WIPF1: variants seen among roughly 807,000 people sequenced by gnomAD.
WIPF1 encodes WAS/WASL-interacting protein family member 1.
In WIPF1, 13 loss-of-function variants were observed where a neutral mutation model predicts 35.4. The observed-to-expected ratio is 0.37, with a 90% CI of 0.24 to 0.58. The LOEUF is 0.58. WIPF1 is among the 20% of genes least tolerant of loss of function. The pLI, the probability that WIPF1 is intolerant of heterozygous loss-of-function variation, is 0.74. For synonymous variants in WIPF1, 267 were observed against 266.3 expected, an observed-to-expected ratio of 1.00 and a Z score of -0.02; for missense variants, 591 against 667.0, an observed-to-expected ratio of 0.89 and a Z score of 1.25.
chr2:174,578,136 C>T (rs1460752350), intron 3 of WIPF1, among the ~76,000 whole-genome samples: 2 of 152,112 alleles, frequency 1.3e-5, no homozygotes, highest in East Asian at 3.9e-4. Context: ...GCATCCCTGG[C>T]CTCTACCCAC....
At chr2:174,654,247 G>T (rs192116393) in intron 1 of WIPF1, among the ~76,000 whole-genome samples, 1 of 152,258 alleles carries the variant, frequency 6.6e-6, no homozygotes, top group African/African-American at 2.4e-5. Context: ...TGAGGCTACA[G>T]ATATTTCTTT....
At chr2:174,570,124 T>C (rs1373968012) in intron 5 of WIPF1, among the ~76,000 whole-genome samples, 2 of 152,212 alleles carry the variant, frequency 1.3e-5, no homozygotes, top group Non-Finnish European at 2.9e-5. Context: ...AGATGGCCCA[T>C]ATGACCAAGT....
chr2:174,575,281 C>T lies in WIPF1; in HGVS notation c.281G>A (p.Gly94Glu). 1 of 1,613,962 alleles carries T rather than the reference C, an allele frequency of 6.2e-7. No homozygotes were observed. Among genetic ancestry groups the T allele is most frequent in the Non-Finnish European group, 8.5e-7 (1 of 1,179,954 alleles). ...GGGGGGGSFG[G>E]GGPPGLGGLF... ...TCCTCCCAGACCTGGAGGTCCGCCCCCTCCAAAACTTCCACCGCCTCCGCC... is the reference window on the plus strand; with the variant it reads ...TCCTCCCAGACCTGGAGGTCCGCCCTCTCCAAAACTTCCACCGCCTCCGCC... The change falls in exon 4 of 8, where the codon GGG becomes GAG. Residue 94 changes from glycine to glutamate, a missense_variant. Physicochemically the swap from Gly to Glu is moderately conservative, Grantham distance 98 (BLOSUM62 -2). This residue lies in a region of WIPF1 where 471 missense variants were observed against 501.1 expected (regional missense o/e 0.94). Transcript: ENST00000679041.
Position 174,562,330 on chromosome 2 carries a change from G to A in WIPF1, c.*217C>T. The A allele has an allele frequency of 6.7e-7, 1 of 1,485,606 alleles. No individual in the cohort carries two copies. The highest frequency in any genetic ancestry group is 9.0e-7 in the Non-Finnish European group (1 of 1,116,430). The allele number at this position is 1,485,606 out of a possible 1,614,324, so 92.0% of individuals were successfully genotyped here. ...CAGCAGCCAGCACAGGCAGGCTGCAGCTGAAGCAAGCAATAGCCTGGAGAA... is the reference window on the plus strand; with the variant it reads ...CAGCAGCCAGCACAGGCAGGCTGCAACTGAAGCAAGCAATAGCCTGGAGAA... On this transcript the variant is annotated 3_prime_UTR_variant, in exon 8 of 8. Coordinates refer to ENST00000679041, the MANE Select transcript of WIPF1 (RefSeq NM_001375834.1).
At chr2:174,650,031 C>T (rs889456272) in intron 1 of WIPF1, among the ~76,000 whole-genome samples, 38 of 152,084 alleles carry the variant, frequency 2.5e-4, no homozygotes, top group Admixed American at 2.5e-3. Flanking sequence ...GTCAGTTCTC[C>T]TTATCCCAAG....
Position 174,562,672 on chromosome 2 carries a change from A to C in WIPF1, c.1457-70T>G. The C allele has an allele frequency of 4.4e-6, 7 of 1,581,902 alleles. No homozygotes were observed. In the South Asian group the frequency reaches 8.0e-5, roughly 18 times the overall value. ...ATGTTCTCATCGTGGAAACTCGGGGATGGTTGCACGGGTACCCACTACCTC... is the reference window on the plus strand; with the variant it reads ...ATGTTCTCATCGTGGAAACTCGGGGCTGGTTGCACGGGTACCCACTACCTC... On this transcript the variant is annotated intron_variant, in intron 7 of 7. Transcript: ENST00000679041.
intron 1 of WIPF1, among the ~76,000 whole-genome samples, chr2:174,680,857 A>T (rs1165047397): frequency 2.0e-5 from 3 of 152,106 alleles, no homozygotes; most frequent in Non-Finnish European, 4.4e-5. Context: ...TTCACACCCC[A>T]TTATCCTACT....
At chr2:174,626,532 C>T (rs748913991) in intron 1 of WIPF1, among the ~76,000 whole-genome samples, 1 of 152,190 alleles carries the variant, frequency 6.6e-6, no homozygotes, top group Non-Finnish European at 1.5e-5. Context: ...CTCACTATAT[C>T]CCAAACAAAA....
At position 174,678,518 on chromosome 2, in the gene WIPF1, G is replaced by A. The variant is rs139331748; in HGVS notation, c.-39+4256C>T. 4.9e-3 allele frequency among the ~76,000 whole-genome samples: 740 copies of A among 152,356 alleles called. 4 individuals carry two copies. The highest frequency in any genetic ancestry group is 0.017 in the Middle Eastern group (5 of 294). On this transcript the variant is annotated intron_variant, in intron 1 of 8. Transcript: ENST00000272746. The stretch of plus-strand genomic sequence containing the variant: ...TGATCCCTGGCCACGAGAAGAAGCA[G>A]TGGTACCCTCACCCCATGGCGTGGG...
chr2:174,637,073 T>C (rs1392257326), intron 1 of WIPF1, among the ~76,000 whole-genome samples: 1 of 152,256 alleles, frequency 6.6e-6, no homozygotes, highest in African/African-American at 2.4e-5. Flanking sequence ...TATTAATGTA[T>C]TCAATCATTT....
intron 1 of WIPF1, among the ~76,000 whole-genome samples, chr2:174,585,814 G>A (rs1685399536): frequency 6.6e-6 from 1 of 152,154 alleles, no homozygotes; most frequent in Admixed American, 6.5e-5. Flanking sequence ...TGCTTGGAGA[G>A]AATGGAGGCC....
At chr2:174,579,496 G>A (rs1203600327) in intron 3 of WIPF1, among the ~76,000 whole-genome samples, 1 of 152,176 alleles carries the variant, frequency 6.6e-6, no homozygotes, top group East Asian at 1.9e-4. Flanking sequence ...CAAAACTGTG[G>A]ATAAACACTG....
At chr2:174,568,153 G>C in intron 5 of WIPF1, 80 bp from the exon 6 acceptor site, 2 of 1,451,670 alleles carry the variant, frequency 1.4e-6, no homozygotes, top group Non-Finnish European at 1.8e-6. Flanking sequence ...TACAGCTGAT[G>C]AGGACTTGCT....
chr2:174,619,944 GA>G (rs796610534), intron 1 of WIPF1, among the ~76,000 whole-genome samples: 2,781 of 114,746 alleles, frequency 0.024, 64 homozygotes, highest in African/African-American at 0.075. Context: ...TCTGTCTCAA[GA>G]AAAAAAAAAA....
chr2:174,585,402 G>T, intron 2 of WIPF1, 121 bp downstream of exon 2: 3 of 1,027,670 alleles, frequency 2.9e-6, no homozygotes, highest in Non-Finnish European at 4.5e-6. Context: ...CACTGGGAAA[G>T]CCTGTTGTAT....
intron 1 of WIPF1, among the ~76,000 whole-genome samples, chr2:174,661,996 T>C (rs1033306423): frequency 2.0e-5 from 3 of 152,144 alleles, no homozygotes; most frequent in East Asian, 1.9e-4. Flanking sequence ...CAGAAGACTG[T>C]ATCTCCATGG....
At position 174,626,966 on chromosome 2, in the gene WIPF1, C is replaced by A. The variant is rs547612147; in HGVS notation, c.-38-41355G>T. Among the ~76,000 whole-genome samples the A allele has an allele frequency of 1.6e-4, 24 of 152,346 alleles. No homozygotes were observed. The South Asian group carries it at 3.1e-3, about 20-fold the overall frequency. ...GGGGAAAGCCAGAGTCCTACCATGA[C>A]CAACATGGCCCTCCAGGATCTCACC... On this transcript the variant is annotated intron_variant, in intron 1 of 8. Transcript: ENST00000272746.
intron 1 of WIPF1, among the ~76,000 whole-genome samples, chr2:174,674,864 A>G (rs1688095163): frequency 6.6e-6 from 1 of 151,958 alleles, no homozygotes; most frequent in South Asian, 2.1e-4. Flanking sequence ...ACTCTGACAG[A>G]CAGAAATAAA....
In WIPF1 at chr2:174,562,444, C is replaced by A; in HGVS notation, c.*103G>T. The A allele has an allele frequency of 6.3e-7, 1 of 1,586,160 alleles. No homozygotes were observed. The highest frequency in any genetic ancestry group is 8.6e-7 in the Non-Finnish European group (1 of 1,165,114). The stretch of plus-strand genomic sequence containing the variant: ...ACTCCCCCTCCCACCTTTCCTCCTG[C>A]CCATACATGAGGCACAAGGGAAGAA... On this transcript the variant is annotated 3_prime_UTR_variant, in exon 8 of 8. Transcript: ENST00000679041.
Sources: gnomAD v4.1 joint callset for allele counts (sites outside exome capture counted in the v4.1 genomes callset) on GRCh38, gnomAD v4.1.1 for gene constraint, gnomAD v4.1.1 regional missense constraint, MANE v1.5 for transcripts, NCBI Gene and HGNC (gene_info 2026-07-23, HGNC 2026-07-21) for gene names.